The following DPP6 variants were observed in gnomAD, a reference collection of about 807,000 sequenced individuals.
DPP6 encodes the protein dipeptidyl peptidase like 6, also known as A-type potassium channel modulatory protein DPP6.
DPP6 carries 69 observed loss-of-function variants against 122.6 expected under a neutral mutation model. The observed-to-expected ratio is 0.56, with a 90% CI of 0.46 to 0.69. The LOEUF (loss-of-function observed/expected upper bound fraction) is 0.69, where lower values mean the gene tolerates loss of function less well. Ranked by LOEUF, DPP6 falls within the 30% of genes least tolerant of loss-of-function variation. The probability of loss-of-function intolerance (pLI) is 0.00; values close to 1 mark genes in which losing one functional copy is unlikely to be tolerated. For missense variants in DPP6, 928 were observed against 1,116.9 expected (o/e 0.83, Z 2.41); for synonymous variants, 418 against 433.1 (o/e 0.97, Z 0.43).
intron 1 of DPP6, among the ~76,000 whole-genome samples, chr7:154,191,176 C>T (rs1798599471): frequency 6.6e-6 from 1 of 152,150 alleles, no homozygotes; most frequent in African/African-American, 2.4e-5. Flanking sequence ...GCAAACGTTG[C>T]CTGAGCCAAG....
intron 5 of DPP6, among the ~76,000 whole-genome samples, chr7:154,623,602 GACACACACGCACGTAC>G (rs2130864067): frequency 6.7e-6 from 1 of 148,868 alleles, no homozygotes; most frequent in African/African-American, 2.5e-5. Context: ...CACACACGCT[GACACACACGCACGTAC>G]ACGCGCACAC....
intron 1 of DPP6, among the ~76,000 whole-genome samples, chr7:153,938,349 T>C (rs989168090): frequency 9.9e-5 from 15 of 152,210 alleles, no homozygotes; most frequent in African/African-American, 3.4e-4. Context: ...GCGTAAGGAA[T>C]CTGTCAGATT....
chr7:154,668,125 C>T (rs535679721), intron 6 of DPP6, among the ~76,000 whole-genome samples: 25 of 145,010 alleles, frequency 1.7e-4, no homozygotes, highest in African/African-American at 6.0e-4. Flanking sequence ...GTGCAGCATC[C>T]TCCCTTTCCA....
At chr7:153,887,442 T>C (rs968163046) in exon 1 of DPP6, 17 of 459,186 alleles carry the variant, frequency 3.7e-5, no homozygotes, top group African/African-American at 2.3e-4. Flanking sequence ...TCCAGGCTTT[T>C]TTTCTTTCTT....
chr7:154,357,506 A>C (rs745799140), intron 1 of DPP6, among the ~76,000 whole-genome samples: 3 of 152,230 alleles, frequency 2.0e-5, no homozygotes, highest in Admixed American at 1.3e-4. Flanking sequence ...AATGGCAGAA[A>C]ATAAACACCT....
chr7:154,669,990 G>T (rs1838455007), intron 7 of DPP6, among the ~76,000 whole-genome samples: 1 of 152,154 alleles, frequency 6.6e-6, no homozygotes, highest in Admixed American at 6.5e-5. Context: ...CTCCCCAGTA[G>T]CTGGGATCAC....
intron 1 of DPP6, among the ~76,000 whole-genome samples, chr7:154,352,883 A>G (rs907984368): frequency 3.3e-5 from 5 of 152,240 alleles, no homozygotes; most frequent in Admixed American, 2.6e-4. Flanking sequence ...TTAAATATTT[A>G]ATAAGGCATG....
chr7:154,354,361 C>T (rs1189533720), intron 1 of DPP6, among the ~76,000 whole-genome samples: 3 of 152,108 alleles, frequency 2.0e-5, no homozygotes, highest in African/African-American at 4.8e-5. Context: ...ATACAATGGC[C>T]GTATAGGAGG....
chr7:154,609,196 T>A (rs1227184939), intron 5 of DPP6, among the ~76,000 whole-genome samples: 2 of 152,264 alleles, frequency 1.3e-5, no homozygotes, highest in Non-Finnish European at 2.9e-5. Flanking sequence ...AGTTTCGTTA[T>A]GTTGTATCCA....
chr7:154,640,289 G>T (rs80117458), intron 6 of DPP6, among the ~76,000 whole-genome samples: 3,184 of 152,124 alleles, frequency 0.021, 47 homozygotes, highest in Middle Eastern at 0.051. Context: ...TAATTCAAAG[G>T]TCACAATGCA....
intron 1 of DPP6, among the ~76,000 whole-genome samples, chr7:154,022,700 C>A (rs1798763780): frequency 6.6e-6 from 1 of 152,164 alleles, no homozygotes; most frequent in African/African-American, 2.4e-5. Context: ...ACCTCCAGTT[C>A]ATCATGACTT....
chr7:154,562,278 T>C (rs559377108), intron 4 of DPP6, among the ~76,000 whole-genome samples: 6 of 152,284 alleles, frequency 3.9e-5, no homozygotes, highest in African/African-American at 1.4e-4. Flanking sequence ...GCATGCAAGG[T>C]TGGTTTAACA....
the DPP6 span, among the ~76,000 whole-genome samples, chr7:153,817,210 A>T: frequency 6.7e-6 from 1 of 148,720 alleles, no homozygotes; most frequent in African/African-American, 2.5e-5. Flanking sequence ...ATAGCAGGGA[A>T]GGAAAATGGG....
intron 1 of DPP6, among the ~76,000 whole-genome samples, chr7:154,110,084 G>T (rs1414430368): frequency 6.7e-6 from 1 of 150,228 alleles, no homozygotes; most frequent in Non-Finnish European, 1.5e-5. Flanking sequence ...CAAGGTAAGA[G>T]GGGTGGAAAC....
At chr7:154,417,469 C>T (rs990878293) in intron 1 of DPP6, among the ~76,000 whole-genome samples, 1 of 152,152 alleles carries the variant, frequency 6.6e-6, no homozygotes, top group Non-Finnish European at 1.5e-5. Flanking sequence ...TCCCGTAAGC[C>T]CCAGCCTGTG....
At chr7:154,028,318 G>A (rs1355640077) in intron 1 of DPP6, among the ~76,000 whole-genome samples, 3 of 151,820 alleles carry the variant, frequency 2.0e-5, no homozygotes, top group South Asian at 2.1e-4. Context: ...CCACAACAGC[G>A]TTTGCGTTAG....
chr7:154,349,915 A>T (rs1295441483), intron 1 of DPP6, among the ~76,000 whole-genome samples: 5 of 152,242 alleles, frequency 3.3e-5, no homozygotes, highest in Non-Finnish European at 7.3e-5. Flanking sequence ...TATTTTTCAC[A>T]TGGGTAATCC....
chr7:154,349,378 G>A (rs1221377828), intron 1 of DPP6, among the ~76,000 whole-genome samples: 4 of 152,142 alleles, frequency 2.6e-5, no homozygotes, highest in Non-Finnish European at 5.9e-5. Context: ...GTTTCACCAT[G>A]TCGGCCAGGC....
chr7:154,318,853 G>A (rs1048238052), intron 1 of DPP6, among the ~76,000 whole-genome samples: 4 of 152,076 alleles, frequency 2.6e-5, no homozygotes, highest in African/African-American at 9.7e-5. Context: ...AAACAGCTTC[G>A]GAGAACCTGG....
Sources: gnomAD v4.1 joint callset for allele counts (sites outside exome capture counted in the v4.1 genomes callset) on GRCh38, gnomAD v4.1.1 for gene constraint, MANE v1.5 for transcripts, NCBI Gene and HGNC (gene_info 2026-07-23, HGNC 2026-07-21) for gene names.